The following FAM168A variants were observed in gnomAD, a reference collection of about 807,000 sequenced individuals.
The protein encoded by FAM168A is protein FAM168A.
A neutral mutation model predicts 28.5 loss-of-function variants in FAM168A; 3 were observed. The observed-to-expected ratio is 0.11, with a 90% CI of 0.05 to 0.27. The LOEUF (loss-of-function observed/expected upper bound fraction) is 0.27, where lower values mean the gene tolerates loss of function less well. Among genes scored for constraint, FAM168A ranks in the 10% least tolerant of loss-of-function variants. The pLI is 1.00. For missense variants in FAM168A, 222 were observed against 311.5 expected, an observed-to-expected ratio of 0.71 and a Z score of 2.16; for synonymous variants, 122 against 124.2, an observed-to-expected ratio of 0.98 and a Z score of 0.12.
intron 2 of FAM168A, among the ~76,000 whole-genome samples, chr11:73,460,101 C>T (rs1281758993): frequency 6.6e-6 from 1 of 151,968 alleles, no homozygotes; most frequent in Non-Finnish European, 1.5e-5. Context: ...AGGATGGTCT[C>T]GATCTCCCGA....
At chr11:73,499,667 A>G (rs1854965327) in intron 1 of FAM168A, among the ~76,000 whole-genome samples, 1 of 152,146 alleles carries the variant, frequency 6.6e-6, no homozygotes, top group African/African-American at 2.4e-5. Context: ...TAACCAGTTT[A>G]GAGAGGAACA....
At chr11:73,530,458 A>G (rs1943503140) in intron 1 of FAM168A, among the ~76,000 whole-genome samples, 1 of 152,156 alleles carries the variant, frequency 6.6e-6, no homozygotes, top group Non-Finnish European at 1.5e-5. Context: ...TACATTTCAA[A>G]GCAGCGACTC....
intron 1 of FAM168A, among the ~76,000 whole-genome samples, chr11:73,546,075 T>C (rs949203764): frequency 1.3e-5 from 2 of 152,224 alleles, no homozygotes; most frequent in Non-Finnish European, 2.9e-5. Context: ...ACTTAAGACC[T>C]AGCTGTAGTT....
intron 1 of FAM168A, among the ~76,000 whole-genome samples, chr11:73,593,007 T>G (rs552941805): frequency 6.6e-4 from 101 of 152,262 alleles, no homozygotes; most frequent in African/African-American, 2.4e-3. Context: ...TTTTTAAAAG[T>G]TAAAAAATAA....
chr11:73,492,836 T>C (rs1565269076), intron 1 of FAM168A, among the ~76,000 whole-genome samples: 1 of 151,978 alleles, frequency 6.6e-6, no homozygotes, highest in South Asian at 2.1e-4. Flanking sequence ...AATGCAGCCA[T>C]AAAAAGGAAC....
chr11:73,450,882 T>C (rs1356406162), intron 2 of FAM168A, among the ~76,000 whole-genome samples: 2 of 152,182 alleles, frequency 1.3e-5, no homozygotes, highest in Non-Finnish European at 2.9e-5. Flanking sequence ...AAGTCTACAG[T>C]GGAGGTTCTC....
intron 3 of FAM168A, chr11:73,430,048 T>A (rs1243639928): frequency 6.5e-6 from 1 of 152,682 alleles, no homozygotes. Context: ...TCTTGAGTAT[T>A]AGAGCACCAG....
chr11:73,531,184 T>C (rs1404585612), intron 1 of FAM168A, among the ~76,000 whole-genome samples: 2 of 152,140 alleles, frequency 1.3e-5, no homozygotes, highest in African/African-American at 4.8e-5. Context: ...TACTCCCCAA[T>C]CTGAAAGATA....
intron 1 of FAM168A, among the ~76,000 whole-genome samples, chr11:73,525,690 C>A (rs144902567): frequency 2.6e-5 from 4 of 152,254 alleles, no homozygotes; most frequent in Non-Finnish European, 4.4e-5. Flanking sequence ...TACTGACATT[C>A]CTCTGCAGCC....
chr11:73,534,091 T>C (rs1943547338), intron 1 of FAM168A, among the ~76,000 whole-genome samples: 1 of 152,230 alleles, frequency 6.6e-6, no homozygotes, highest in African/African-American at 2.4e-5. Flanking sequence ...GGGAATGAAA[T>C]GCTGATACAG....
At chr11:73,449,609 C>G (rs1341362562) in intron 2 of FAM168A, among the ~76,000 whole-genome samples, 1 of 151,994 alleles carries the variant, frequency 6.6e-6, no homozygotes, top group African/African-American at 2.4e-5. Flanking sequence ...CAATTCAGAG[C>G]TCCCAGCTGG....
intron 1 of FAM168A, among the ~76,000 whole-genome samples, chr11:73,500,269 T>A (rs1014713271): frequency 4.0e-5 from 6 of 149,690 alleles, no homozygotes; most frequent in South Asian, 2.2e-4. Flanking sequence ...TTTTTTTTTT[T>A]TTTTTTTGAG....
intron 2 of FAM168A, among the ~76,000 whole-genome samples, chr11:73,464,469 C>T (rs1867702520): frequency 6.6e-6 from 1 of 152,106 alleles, no homozygotes; most frequent in Non-Finnish European, 1.5e-5. Context: ...TTTCTACTGG[C>T]TGAAGCCAGG....
intron 1 of FAM168A, among the ~76,000 whole-genome samples, chr11:73,476,448 T>C (rs1437721799): frequency 1.6e-4 from 1 of 6,144 alleles, no homozygotes; most frequent in Non-Finnish European, 3.1e-4. Flanking sequence ...AACCTCCTGA[T>C]GGTGGGGTGG....
At chr11:73,464,124 A>G (rs759550034) in intron 2 of FAM168A, among the ~76,000 whole-genome samples, 3 of 152,130 alleles carry the variant, frequency 2.0e-5, no homozygotes, top group Non-Finnish European at 4.4e-5. Flanking sequence ...TCTGCTATAC[A>G]GTGTGACCTT....
chr11:73,458,411 T>C (rs746977741), intron 2 of FAM168A, among the ~76,000 whole-genome samples: 41 of 152,222 alleles, frequency 2.7e-4, no homozygotes, highest in Non-Finnish European at 5.0e-4. Context: ...CATAGTTTAA[T>C]GTGCATGATT....
At chr11:73,507,630 A>G (rs936613508) in intron 1 of FAM168A, among the ~76,000 whole-genome samples, 2 of 152,226 alleles carry the variant, frequency 1.3e-5, no homozygotes, top group African/African-American at 4.8e-5. Context: ...AAAAGTTAAA[A>G]AAAATTTCAA....
intron 1 of FAM168A, among the ~76,000 whole-genome samples, chr11:73,490,315 C>G (rs1868110495): frequency 6.6e-6 from 1 of 152,094 alleles, no homozygotes; most frequent in African/African-American, 2.4e-5. Flanking sequence ...TGCATTTACT[C>G]CTTCTTTTGT....
At chr11:73,514,467 T>G (rs1943272719) in intron 1 of FAM168A, among the ~76,000 whole-genome samples, 2 of 152,320 alleles carry the variant, frequency 1.3e-5, no homozygotes, top group South Asian at 4.1e-4. Flanking sequence ...GAAAGAACAG[T>G]TAATTGTTTC....
Sources: gnomAD v4.1 joint callset for allele counts (sites outside exome capture counted in the v4.1 genomes callset) on GRCh38, gnomAD v4.1.1 for gene constraint, MANE v1.5 for transcripts, NCBI Gene and HGNC (gene_info 2026-07-23, HGNC 2026-07-21) for gene names.